The following STIM1 variants were observed in gnomAD, a reference collection of about 807,000 sequenced individuals.
STIM1 encodes stromal interaction molecule 1.
A neutral mutation model predicts 74.7 loss-of-function variants in STIM1; 25 were observed. The ratio of observed to expected loss-of-function variants is 0.33; its 90% CI spans 0.24 to 0.47. The LOEUF (loss-of-function observed/expected upper bound fraction) is 0.47. Ranked by LOEUF, STIM1 falls within the 20% of genes least tolerant of loss-of-function variation. The pLI, the probability that STIM1 is intolerant of heterozygous loss-of-function variation, is 1.00. For missense variants in STIM1, 728 were observed against 920.8 expected, an observed-to-expected ratio of 0.79 and a Z score of 2.71; for synonymous variants, 328 against 348.8, an observed-to-expected ratio of 0.94 and a Z score of 0.66.
intron 1 of STIM1, among the ~76,000 whole-genome samples, chr11:3,888,851 C>T (rs1027044031): frequency 1.6e-4 from 25 of 152,010 alleles, no homozygotes; most frequent in African/African-American, 1.2e-4. Context: ...CATGCCCGGC[C>T]GCCGTGTAGT....
chr11:3,941,677 G>T lies in STIM1; in HGVS notation c.140-25875G>T, dbSNP rs201373921. ...ACATATATATATATATATATATAGAGAGAGAGAGAGAGAGAGAGAGTGTGT... is the reference window on the plus strand; with the variant it reads ...ACATATATATATATATATATATAGATAGAGAGAGAGAGAGAGAGAGTGTGT... On this transcript the variant is annotated intron_variant, in intron 1 of 12. Transcript: ENST00000526596. 2.0e-4 allele frequency among the ~76,000 whole-genome samples: 21 copies of T among 104,590 alleles called. 1 individual carries two copies. The South Asian group carries it at 2.0e-3, about 10-fold the overall frequency. The allele number at this position is 104,590 out of a possible 152,430, so 68.6% of individuals were successfully genotyped here. A position where few individuals can be genotyped will look rare whatever the true frequency, so the allele number is the denominator to read the frequency against.
chr11:3,903,956 T>C (rs1337060509), intron 1 of STIM1, among the ~76,000 whole-genome samples: 1 of 152,116 alleles, frequency 6.6e-6, no homozygotes, highest in Non-Finnish European at 1.5e-5. Flanking sequence ...CCCAGCACTT[T>C]GGGAGGCTGA....
At chr11:3,972,462 CT>C (rs924426991) in intron 2 of STIM1, among the ~76,000 whole-genome samples, 15 of 151,840 alleles carry the variant, frequency 9.9e-5, no homozygotes, top group African/African-American at 2.2e-4. Context: ...ATTTTCATTT[CT>C]TTTTTTTATA....
At chr11:3,994,463 C>CTTTTT (rs56255114) in intron 2 of STIM1, among the ~76,000 whole-genome samples, 1 of 134,384 alleles carries the variant, frequency 7.4e-6, no homozygotes, top group Non-Finnish European at 1.6e-5. Context: ...CTTTTTCTTT[C>CTTTTT]TTTTTTTTTT....
chr11:3,948,708 A>G lies in STIM1; in HGVS notation c.140-18844A>G, dbSNP rs552184948. ...TTACACTTATCTTCTAAATACGTCT[A>G]TCTTATTCCTAGTTCCAACCTGTAC... On this transcript the variant is annotated intron_variant, in intron 1 of 12. Transcript: ENST00000526596. Among the ~76,000 whole-genome samples the G allele has an allele frequency of 3.3e-5, 5 of 152,284 alleles. No homozygotes were observed. In the South Asian group the frequency reaches 8.3e-4, roughly 25 times the overall value.
intron 2 of STIM1, among the ~76,000 whole-genome samples, chr11:4,016,469 A>G (rs186963005): frequency 2.0e-5 from 3 of 152,254 alleles, no homozygotes; most frequent in East Asian, 1.9e-4. Flanking sequence ...GTCAGTCCCT[A>G]CTGGGAGGTG....
intron 1 of STIM1, among the ~76,000 whole-genome samples, chr11:3,911,186 G>T (rs2092556934): frequency 6.6e-6 from 1 of 152,132 alleles, no homozygotes; most frequent in Non-Finnish European, 1.5e-5. Flanking sequence ...CATCCTTCCA[G>T]TTGGCTGCCA....
intron 3 of STIM1, among the ~76,000 whole-genome samples, chr11:4,029,492 T>A (rs1015005315): frequency 6.6e-6 from 1 of 151,134 alleles, no homozygotes. Context: ...CCCGAAGATG[T>A]GCACTTTAGG....
intron 5 of STIM1, among the ~76,000 whole-genome samples, chr11:4,064,388 C>A (rs1312722743): frequency 2.0e-5 from 3 of 152,020 alleles, no homozygotes; most frequent in African/African-American, 7.3e-5. Flanking sequence ...TCTTTAATAC[C>A]CATTTAGGAG....
At chr11:4,035,169 A>C (rs1343621642) in intron 3 of STIM1, among the ~76,000 whole-genome samples, 2 of 151,404 alleles carry the variant, frequency 1.3e-5, no homozygotes, top group African/African-American at 4.8e-5. Flanking sequence ...TAAGGTCACC[A>C]GTATGAGACC....
At chr11:3,987,775 T>G (rs2135829285) in intron 2 of STIM1, among the ~76,000 whole-genome samples, 1 of 151,124 alleles carries the variant, frequency 6.6e-6, no homozygotes, top group Middle Eastern at 3.4e-3. Context: ...TGTAGTACAA[T>G]ACTCTTAATA....
Position 4,091,289 on chromosome 11 carries a change from A to G in STIM1, c.1642A>G (p.Thr548Ala), listed in dbSNP as rs1406003724. The change falls in exon 13 of 13, where the codon ACC becomes GCC. Residue 548 changes from threonine (T) to alanine (A), a missense_variant. Transcript: ENST00000526596. ...QHGLGSQRDLTHSDSESSLHM... is the reference protein window; with the variant it reads ...QHGLGSQRDLAHSDSESSLHM... ...CTGCCCCATGTCTTGCAGGGATTTG[A>G]CCCATTCCGATTCGGAGTCCTCCCT... is the stretch of plus-strand genomic sequence containing the variant. 6.2e-7 allele frequency: 1 copy of G among 1,613,762 alleles called. No individual in the cohort carries two copies. Among genetic ancestry groups the G allele is most frequent in the Admixed American group, 1.7e-5 (1 of 59,992 alleles).
At chr11:4,084,823 C>T (rs1418186703) in intron 11 of STIM1, 58 bp downstream of exon 11, 10 of 1,252,918 alleles carry the variant, frequency 8.0e-6, no homozygotes, top group Non-Finnish European at 1.0e-5. Context: ...TAAATCAACA[C>T]TCTTACCCCA....
chr11:3,968,374 G>C (rs1319715807), intron 2 of STIM1, among the ~76,000 whole-genome samples: 1 of 152,186 alleles, frequency 6.6e-6, no homozygotes, highest in Non-Finnish European at 1.5e-5. Flanking sequence ...AAGCTACCAA[G>C]TTATGCCAAA....
rs374949490 is a variant in STIM1 at position 4,085,284 on chromosome 11, A to C, written c.1567+519A>C. ...TGGTGGTCCTTCCAAGGCTTCGCTC[A>C]CCCTTGTAACCTGGCCCTTTCTCTC... On this transcript the variant is annotated intron_variant, in intron 11 of 12. Coordinates refer to ENST00000526596, the MANE Select transcript of STIM1 (RefSeq NM_001382567.1). Among the ~76,000 whole-genome samples, 22 of 152,164 alleles carry C rather than the reference A, an allele frequency of 1.4e-4. No individual in the cohort carries two copies. In the South Asian group the frequency reaches 3.5e-3, roughly 24 times the overall value.
chr11:3,937,162 G>A (rs1225484911), intron 1 of STIM1, among the ~76,000 whole-genome samples: 2 of 151,906 alleles, frequency 1.3e-5, no homozygotes, highest in Non-Finnish European at 2.9e-5. Flanking sequence ...GTGATGGCAT[G>A]CATCTGTAGT....
intron 10 of STIM1, chr11:4,083,804 C>G: frequency 3.0e-6 from 1 of 336,502 alleles, no homozygotes; most frequent in Non-Finnish European, 5.4e-6. Flanking sequence ...AAAAATATGT[C>G]CTTTAGTGAA....
intron 1 of STIM1, among the ~76,000 whole-genome samples, chr11:3,895,675 C>T (rs11030188): frequency 0.085 from 4,002 of 47,072 alleles, 185 homozygotes; most frequent in African/African-American, 0.17. Flanking sequence ...TCTTTCTTTC[C>T]TTCCTTCCTT....
intron 2 of STIM1, among the ~76,000 whole-genome samples, chr11:4,006,265 T>C (rs377749768): frequency 4.6e-5 from 7 of 152,190 alleles, no homozygotes; most frequent in African/African-American, 1.7e-4. Flanking sequence ...GGTGTGTCTG[T>C]TTCCCTTTCA....
Sources: gnomAD v4.1 joint callset for allele counts (sites outside exome capture counted in the v4.1 genomes callset) on GRCh38, gnomAD v4.1.1 for gene constraint, MANE v1.5 for transcripts, NCBI Gene and HGNC (gene_info 2026-07-23, HGNC 2026-07-21) for gene names.